Variants in PARN observed in about 807,000 individuals in gnomAD.
The protein encoded by PARN is poly(A)-specific ribonuclease, also known as poly(A)-specific ribonuclease PARN.
A neutral mutation model predicts 102.8 loss-of-function variants in PARN; 71 were observed. That is an observed-to-expected ratio of 0.69 (90% confidence interval 0.57 to 0.84). The LOEUF (loss-of-function observed/expected upper bound fraction) is 0.84. PARN is among the 40% of genes least tolerant of loss of function. The pLI, the probability that PARN is intolerant of heterozygous loss-of-function variation, is 0.00. For missense variants in PARN, 782 were observed against 760.9 expected (o/e 1.03, Z -0.33); for synonymous variants, 261 against 252.9 (o/e 1.03, Z -0.30).
At position 14,435,864 on chromosome 16, in the gene PARN, T is replaced by C. The variant is rs1567277224; in HGVS notation, c.*853A>G. 6.7e-6 allele frequency: 1 copy of C among 150,242 alleles called. No homozygotes were observed. Among genetic ancestry groups the C allele is most frequent in the African/African-American group, 2.5e-5 (1 of 40,470 alleles). 9.3% of individuals were successfully genotyped at this position (150,242 alleles called of 1,614,324 possible). A position where few individuals can be genotyped will look rare whatever the true frequency, so the allele number is the denominator to read the frequency against. Reference sequence around the variant, plus strand: ...TGCTGTGATCTGTTTCAACGGAGAATGGGCTGGGACATGTTGTAGATTTGC... The same window carrying C: ...TGCTGTGATCTGTTTCAACGGAGAACGGGCTGGGACATGTTGTAGATTTGC... On this transcript the variant is annotated 3_prime_UTR_variant, in exon 24 of 24. Coordinates refer to ENST00000437198, the MANE Select transcript of PARN (RefSeq NM_002582.4).
chr16:14,446,700 C>A (rs1961214429), intron 23 of PARN, among the ~76,000 whole-genome samples, 188 bp downstream of exon 23: 1 of 152,104 alleles, frequency 6.6e-6, no homozygotes, highest in African/African-American at 2.4e-5. Flanking sequence ...CTTATGCTAC[C>A]CGAGCCAGAG....
chr16:14,597,900 T>C (rs1281172763), intron 12 of PARN, among the ~76,000 whole-genome samples: 1 of 152,026 alleles, frequency 6.6e-6, no homozygotes, highest in African/African-American at 2.4e-5. Context: ...ACCCAGTATC[T>C]TGGGAGGCTG....
chr16:14,600,013 G>A, intron 11 of PARN, 53 bp from the exon 12 acceptor site: 1 of 1,035,620 alleles, frequency 9.7e-7, no homozygotes, highest in East Asian at 2.8e-5. Context: ...TATTCCTTAT[G>A]TGAATTAAAA....
chr16:14,460,580 C>T (rs1961910827), intron 22 of PARN, among the ~76,000 whole-genome samples: 1 of 152,140 alleles, frequency 6.6e-6, no homozygotes, highest in African/African-American at 2.4e-5. Context: ...TTTTCTGTGA[C>T]CTTTAGAAAC....
At chr16:14,607,325 T>G (rs1254410499) in intron 9 of PARN, among the ~76,000 whole-genome samples, 2 of 151,902 alleles carry the variant, frequency 1.3e-5, no homozygotes, top group Admixed American at 1.3e-4. Context: ...CTCCTGCCTT[T>G]GCCTCCCAAG....
intron 22 of PARN, among the ~76,000 whole-genome samples, chr16:14,456,367 C>T (rs1961679282): frequency 6.6e-6 from 1 of 151,854 alleles, no homozygotes; most frequent in African/African-American, 2.4e-5. Context: ...ATGGGGGTGT[C>T]TTGCTATGTT....
chr16:14,485,248 C>T (rs568836477), intron 21 of PARN, among the ~76,000 whole-genome samples: 1 of 152,320 alleles, frequency 6.6e-6, no homozygotes, highest in African/African-American at 2.4e-5. Context: ...GGATCCTTTC[C>T]TGAAAATCTT....
chr16:14,523,077 T>G (rs1252140181), intron 21 of PARN, among the ~76,000 whole-genome samples: 2 of 151,852 alleles, frequency 1.3e-5, no homozygotes, highest in African/African-American at 4.8e-5. Flanking sequence ...GGCAAATACT[T>G]AACAAAAAAG....
At chr16:14,588,764 C>T (rs1309379717) in intron 13 of PARN, among the ~76,000 whole-genome samples, 1 of 152,020 alleles carries the variant, frequency 6.6e-6, no homozygotes, top group Non-Finnish European at 1.5e-5. Context: ...CACCTGTAAT[C>T]CCAGCTACTT....
chr16:14,462,258 G>C (rs1450279933), intron 22 of PARN, among the ~76,000 whole-genome samples: 1 of 151,818 alleles, frequency 6.6e-6, no homozygotes, highest in African/African-American at 2.4e-5. Context: ...TAAAATAGGA[G>C]TTGAAAGAAA....
At chr16:14,443,020 C>T (rs1441453131) in intron 23 of PARN, among the ~76,000 whole-genome samples, 1 of 152,246 alleles carries the variant, frequency 6.6e-6, no homozygotes, top group Non-Finnish European at 1.5e-5. Flanking sequence ...TTTCCCCAGC[C>T]TCCCACATGT....
intron 13 of PARN, among the ~76,000 whole-genome samples, chr16:14,589,111 CA>C (rs1459115534): frequency 2.0e-5 from 3 of 149,880 alleles, no homozygotes; most frequent in African/African-American, 7.4e-5. Context: ...ATCCGGTAGG[CA>C]GAGGTTGCAG....
At chr16:14,564,200 C>T (rs1001926263) in intron 18 of PARN, among the ~76,000 whole-genome samples, 1 of 152,178 alleles carries the variant, frequency 6.6e-6, no homozygotes, top group Admixed American at 6.5e-5. Context: ...GGGTTTTCAT[C>T]CTAAACCACT....
At chr16:14,564,391 A>T (rs1205699976) in intron 18 of PARN, among the ~76,000 whole-genome samples, 1 of 152,182 alleles carries the variant, frequency 6.6e-6, no homozygotes, top group Non-Finnish European at 1.5e-5. Context: ...GGTAGAGCGA[A>T]TTTTCAAGGC....
chr16:14,557,087 T>G (rs527536569), intron 18 of PARN, among the ~76,000 whole-genome samples: 1 of 152,282 alleles, frequency 6.6e-6, no homozygotes, highest in South Asian at 2.1e-4. Context: ...GGACAAAATA[T>G]CATGCATTCT....
chr16:14,605,982 T>C (rs1971152948), intron 10 of PARN, among the ~76,000 whole-genome samples: 1 of 152,136 alleles, frequency 6.6e-6, no homozygotes, highest in Non-Finnish European at 1.5e-5. Context: ...TATGAGAAAG[T>C]ATAGATCACC....
chr16:14,610,690 G>A lies in PARN; in HGVS notation c.508C>T (p.Pro170Ser), dbSNP rs1317609283. 1 of 1,610,830 alleles carries A rather than the reference G, an allele frequency of 6.2e-7. No individual in the cohort carries two copies. Among genetic ancestry groups the A allele is most frequent in the Non-Finnish European group, 8.5e-7 (1 of 1,177,196 alleles). ...SYVSPNTSKC[P>S]VTIPEDQKKF... ...TTTTGATCCTCAGGAATCGTGACAG[G>A]ACATTTTGAAGTGTTAGGAGATACA... Residue 170 changes from proline to serine, a missense_variant, in exon 7 of 24, where the codon CCT becomes TCT. Transcript: ENST00000437198.
chr16:14,466,782 A>G (rs558859174), intron 22 of PARN, among the ~76,000 whole-genome samples: 2 of 152,026 alleles, frequency 1.3e-5, no homozygotes, highest in African/African-American at 4.8e-5. Context: ...AGTTACCTAA[A>G]CAACAAACTT....
At chr16:14,455,943 A>G (rs1028870333) in intron 22 of PARN, among the ~76,000 whole-genome samples, 1 of 152,198 alleles carries the variant, frequency 6.6e-6, no homozygotes, top group Non-Finnish European at 1.5e-5. Context: ...TAGTTCTCGC[A>G]GAATATTTCC....
Sources: allele counts gnomAD v4.1 joint callset (sites outside exome capture counted in the v4.1 genomes callset), GRCh38; gene constraint gnomAD v4.1.1; transcripts MANE v1.5; gene names NCBI Gene and HGNC (gene_info 2026-07-23, HGNC 2026-07-21).